The following GSE1 variants were observed in gnomAD, a reference collection of about 807,000 sequenced individuals.
GSE1 encodes genetic suppressor element 1.
Under a neutral mutation model 112.6 loss-of-function variants are expected in GSE1, and 32 were observed. The observed-to-expected ratio is 0.28, with a 90% CI of 0.21 to 0.38. GSE1 has a LOEUF of 0.38. Among genes scored for constraint, GSE1 ranks in the 10% least tolerant of loss-of-function variants. The probability of loss-of-function intolerance (pLI) is 1.00; values close to 1 mark genes in which losing one functional copy is unlikely to be tolerated. For synonymous variants in GSE1, 1,115 were observed against 735.6 expected, an observed-to-expected ratio of 1.52 and a Z score of -8.35; for missense variants, 2,348 against 1,699.2, an observed-to-expected ratio of 1.38 and a Z score of -6.71.
chr16:85,232,665 C>G (rs567956073), intron 1 of GSE1, among the ~76,000 whole-genome samples: 119 of 152,316 alleles, frequency 7.8e-4, no homozygotes, highest in Non-Finnish European at 1.6e-4. Flanking sequence ...CCTTGCTAGG[C>G]TCCAGCCAGT....
At chr16:85,489,016 C>T (rs143234982) in intron 2 of GSE1, among the ~76,000 whole-genome samples, 313 of 152,284 alleles carry the variant, frequency 2.1e-3, no homozygotes, top group African/African-American at 7.2e-3. Flanking sequence ...GTACAAATTA[C>T]ACCAGGAGAA....
rs571276194 is a variant in GSE1, at chr16:85,596,069, C to T, written c.37+39706C>T. Among the ~76,000 whole-genome samples the T allele has an allele frequency of 1.6e-4, 24 of 151,532 alleles. 1 individual carries two copies. In the East Asian group the frequency reaches 4.3e-3, roughly 27 times the overall value. On this transcript the variant is annotated intron_variant, in intron 1 of 2. Coordinates refer to the GSE1 transcript ENST00000635906. ...CCATTCCTCCGTCCACCCCTGAACCCATCTGTCCCTCAACCCATGCACTCA... is the reference window on the plus strand; with the variant it reads ...CCATTCCTCCGTCCACCCCTGAACCTATCTGTCCCTCAACCCATGCACTCA...
At chr16:85,586,923 C>A (rs2046726510) in intron 1 of GSE1, among the ~76,000 whole-genome samples, 1 of 152,242 alleles carries the variant, frequency 6.6e-6, no homozygotes. Context: ...GGAGTAAGTG[C>A]CCGCAGCTGC....
intron 1 of GSE1, among the ~76,000 whole-genome samples, chr16:85,561,300 G>A (rs765528349): frequency 5.9e-5 from 9 of 152,160 alleles, no homozygotes; most frequent in South Asian, 4.1e-4. Flanking sequence ...TCACATGTGC[G>A]CTAAATGGTG....
chr16:85,391,816 C>T (rs998220440), intron 2 of GSE1, among the ~76,000 whole-genome samples: 1 of 152,198 alleles, frequency 6.6e-6, no homozygotes, highest in African/African-American at 2.4e-5. Context: ...CCCCACCAAT[C>T]TCCGAGCTCA....
chr16:85,439,349 C>G (rs1447002087), intron 2 of GSE1, among the ~76,000 whole-genome samples: 1 of 152,238 alleles, frequency 6.6e-6, no homozygotes, highest in East Asian at 1.9e-4. Context: ...CGCTGGCCTC[C>G]CTGGGGCAAG....
At chr16:85,647,958 CG>C (rs2051019919) in intron 2 of GSE1, among the ~76,000 whole-genome samples, 2 of 152,018 alleles carry the variant, frequency 1.3e-5, no homozygotes, top group Non-Finnish European at 2.9e-5. Context: ...TGGGAGCCCC[CG>C]GAGGGGGCGC....
intron 2 of GSE1, among the ~76,000 whole-genome samples, chr16:85,431,433 A>C (rs2049118026): frequency 6.6e-6 from 1 of 152,218 alleles, no homozygotes; most frequent in Non-Finnish European, 1.5e-5. Flanking sequence ...GCGAAAATAC[A>C]ATTCTTACGT....
chr16:85,626,729 C>G (rs1015584929), intron 1 of GSE1, among the ~76,000 whole-genome samples: 1 of 152,086 alleles, frequency 6.6e-6, no homozygotes, highest in African/African-American at 2.4e-5. Context: ...GGTCTGGTGC[C>G]GGGGAAGAGC....
At chr16:85,578,355 T>A (rs1288726979) in intron 1 of GSE1, among the ~76,000 whole-genome samples, 9 of 152,180 alleles carry the variant, frequency 5.9e-5, no homozygotes, top group African/African-American at 2.2e-4. Context: ...GTGCCTGGGC[T>A]CCCCAGACGA....
At chr16:85,588,954 C>T (rs2046837526) in intron 1 of GSE1, among the ~76,000 whole-genome samples, 1 of 152,168 alleles carries the variant, frequency 6.6e-6, no homozygotes, top group South Asian at 2.1e-4. Flanking sequence ...CACACATATT[C>T]ACACACACGT....
intron 2 of GSE1, among the ~76,000 whole-genome samples, chr16:85,499,790 C>G (rs2051302399): frequency 6.6e-6 from 1 of 152,208 alleles, no homozygotes; most frequent in African/African-American, 2.4e-5. Flanking sequence ...CCTGCTAGGT[C>G]AGCCCCCAAA....
At chr16:85,220,885 C>G (rs916835526) in intron 1 of GSE1, among the ~76,000 whole-genome samples, 1 of 151,902 alleles carries the variant, frequency 6.6e-6, no homozygotes, top group Non-Finnish European at 1.5e-5. Context: ...CTTCCCAAAT[C>G]GTGCCCCCCA....
intron 2 of GSE1, among the ~76,000 whole-genome samples, chr16:85,526,216 G>A (rs1009354096): frequency 6.6e-6 from 1 of 152,214 alleles, no homozygotes; most frequent in South Asian, 2.1e-4. Context: ...TGTGTGCCAG[G>A]CCCAGCTCCT....
chr16:85,391,107 G>A (rs1271028408), intron 2 of GSE1, among the ~76,000 whole-genome samples: 1 of 152,148 alleles, frequency 6.6e-6, no homozygotes, highest in East Asian at 1.9e-4. Flanking sequence ...CGCCCCAGCT[G>A]GCAGCCCCAG....
At chr16:85,526,550 G>A (rs906286181) in intron 2 of GSE1, among the ~76,000 whole-genome samples, 10 of 152,230 alleles carry the variant, frequency 6.6e-5, no homozygotes, top group Non-Finnish European at 8.8e-5. Context: ...TGGGTCAGCC[G>A]GGCAGGCCAA....
chr16:85,346,130 A>G (rs1231308148), intron 1 of GSE1, among the ~76,000 whole-genome samples: 1 of 129,260 alleles, frequency 7.7e-6, no homozygotes, highest in African/African-American at 2.9e-5. Flanking sequence ...TGGATGAACA[A>G]TGGATGGGTA....
At chr16:85,232,801 G>A (rs1449682840) in intron 1 of GSE1, among the ~76,000 whole-genome samples, 1 of 152,270 alleles carries the variant, frequency 6.6e-6, no homozygotes, top group East Asian at 1.9e-4. Context: ...AGCTTTCTTA[G>A]CTTCCTTCCA....
intron 2 of GSE1, among the ~76,000 whole-genome samples, chr16:85,461,714 T>C (rs1297245965): frequency 1.3e-5 from 2 of 152,136 alleles, no homozygotes; most frequent in Non-Finnish European, 1.5e-5. Context: ...GGGATAGCCA[T>C]AATCCCCGTG....
Sources: gnomAD v4.1 joint callset for allele counts (sites outside exome capture counted in the v4.1 genomes callset) on GRCh38, gnomAD v4.1.1 for gene constraint, MANE v1.5 for transcripts, NCBI Gene and HGNC (gene_info 2026-07-23, HGNC 2026-07-21) for gene names.